MARCHF1: variants seen among roughly 807,000 people sequenced by gnomAD.
MARCHF1 encodes E3 ubiquitin-protein ligase MARCHF1.
Under a neutral mutation model 54.2 loss-of-function variants are expected in MARCHF1, and 40 were observed. The observed-to-expected ratio is 0.74, with a 90% confidence interval of 0.57 to 0.96. The LOEUF (loss-of-function observed/expected upper bound fraction) is 0.96, where lower values mean the gene tolerates loss of function less well. Among genes scored for constraint, MARCHF1 ranks in the 40% least tolerant of loss-of-function variants. The pLI is 0.00. For synonymous variants in MARCHF1, 236 were observed against 236.3 expected, an observed-to-expected ratio of 1.00 and a Z score of 0.01; for missense variants, 586 against 656.5, an observed-to-expected ratio of 0.89 and a Z score of 1.17.
chr4:164,197,209 T>C (rs1301695081), intron 1 of MARCHF1: 6 of 1,609,812 alleles, frequency 3.7e-6, no homozygotes, highest in Non-Finnish European at 5.1e-6. Flanking sequence ...ATGCTCACCC[T>C]CCTCCTCGTC....
At chr4:163,669,844 C>T (rs1743669802) in intron 5 of MARCHF1, among the ~76,000 whole-genome samples, 1 of 152,062 alleles carries the variant, frequency 6.6e-6, no homozygotes, top group African/African-American at 2.4e-5. Context: ...AGCATCTGCC[C>T]ACCTCGGCCT....
intron 1 of MARCHF1, among the ~76,000 whole-genome samples, chr4:164,259,702 G>A (rs1386389591): frequency 2.0e-5 from 3 of 152,128 alleles, no homozygotes; most frequent in Non-Finnish European, 2.9e-5. Context: ...TGACCCTTGA[G>A]GTAGGTATAT....
At chr4:163,708,371 C>T (rs1481523943) in intron 4 of MARCHF1, among the ~76,000 whole-genome samples, 3 of 152,000 alleles carry the variant, frequency 2.0e-5, no homozygotes, top group African/African-American at 4.8e-5. Flanking sequence ...AGTTAATGAT[C>T]TTTTACAGCC....
At chr4:163,672,693 A>G (rs756082162) in intron 5 of MARCHF1, among the ~76,000 whole-genome samples, 15 of 152,216 alleles carry the variant, frequency 9.9e-5, no homozygotes, top group Admixed American at 7.2e-4. Flanking sequence ...TACCACAAAC[A>G]TAGTGGCTTA....
At chr4:164,258,430 A>C (rs1435965988) in intron 1 of MARCHF1, among the ~76,000 whole-genome samples, 1 of 144,274 alleles carries the variant, frequency 6.9e-6, no homozygotes, top group Non-Finnish European at 1.5e-5. Context: ...AGGACAAAAC[A>C]ATAGAAAAAA....
intron 1 of MARCHF1, among the ~76,000 whole-genome samples, chr4:164,252,882 C>G (rs1444789064): frequency 6.6e-6 from 1 of 152,060 alleles, no homozygotes; most frequent in Admixed American, 6.6e-5. Context: ...TATTTCTTAG[C>G]AGTCCTAGAG....
rs557633022 is a variant in MARCHF1, at chr4:163,857,013, G to A, written c.-38-2844C>T. ...GGACAATAGAACAGGACTTTGTCTCGAAAAATAAATAAATAAATAAATAAA... is the reference window on the plus strand; with the variant it reads ...GGACAATAGAACAGGACTTTGTCTCAAAAAATAAATAAATAAATAAATAAA... On this transcript the variant is annotated intron_variant, in intron 3 of 9. Coordinates refer to ENST00000514618, the MANE Select transcript of MARCHF1 (RefSeq NM_001394959.1). Among the ~76,000 whole-genome samples, 371 of 72,736 alleles carry A rather than the reference G, an allele frequency of 5.1e-3. 3 individuals are homozygous for A. Among genetic ancestry groups the A allele is most frequent in the African/African-American group, 0.017 (351 of 20,220 alleles). The allele number at this position is 72,736 out of a possible 152,430, so 47.7% of individuals were successfully genotyped here.
At chr4:163,858,568 TA>T (rs1424245132) in intron 3 of MARCHF1, among the ~76,000 whole-genome samples, 1 of 152,230 alleles carries the variant, frequency 6.6e-6, no homozygotes, top group East Asian at 1.9e-4. Flanking sequence ...TTTATGTATT[TA>T]TTTAGCTAAT....
intron 2 of MARCHF1, among the ~76,000 whole-genome samples, chr4:164,052,308 G>A (rs996184987): frequency 6.6e-6 from 1 of 152,008 alleles, no homozygotes; most frequent in Non-Finnish European, 1.5e-5. Context: ...GAGGTGGGTG[G>A]ATCAATTGAG....
intron 1 of MARCHF1, among the ~76,000 whole-genome samples, chr4:164,255,188 C>G (rs1733243156): frequency 1.3e-5 from 2 of 152,022 alleles, no homozygotes; most frequent in South Asian, 4.1e-4. Context: ...ATGTTGCCAT[C>G]AGGGAAAGCT....
intron 8 of MARCHF1, among the ~76,000 whole-genome samples, chr4:163,546,055 A>T (rs1191717674): frequency 1.3e-5 from 2 of 149,036 alleles, no homozygotes; most frequent in Non-Finnish European, 3.0e-5. Flanking sequence ...GGTCACTGCA[A>T]CCGCTGCCTC....
At chr4:163,971,765 T>C (rs968809393) in intron 3 of MARCHF1, among the ~76,000 whole-genome samples, 3 of 152,200 alleles carry the variant, frequency 2.0e-5, no homozygotes, top group African/African-American at 2.4e-5. Flanking sequence ...TGGTAAGATA[T>C]ATTGGAGAGC....
At chr4:164,170,610 G>A (rs1379156303) in intron 1 of MARCHF1, among the ~76,000 whole-genome samples, 1 of 152,044 alleles carries the variant, frequency 6.6e-6, no homozygotes, top group Non-Finnish European at 1.5e-5. Flanking sequence ...CCAAGAGTCT[G>A]TTAGGGTTGC....
intron 2 of MARCHF1, among the ~76,000 whole-genome samples, chr4:164,100,097 T>C (rs903265285): frequency 2.6e-5 from 4 of 152,218 alleles, no homozygotes; most frequent in African/African-American, 9.6e-5. Context: ...TTTACACTTA[T>C]TCATTCAAAC....
intron 1 of MARCHF1, among the ~76,000 whole-genome samples, chr4:164,156,589 A>G (rs944780204): frequency 3.3e-5 from 5 of 151,974 alleles, no homozygotes; most frequent in African/African-American, 1.2e-4. Flanking sequence ...ACATCTGGCT[A>G]ATTTTTGTAT....
intron 3 of MARCHF1, among the ~76,000 whole-genome samples, chr4:163,957,310 C>G (rs879472231): frequency 6.6e-6 from 1 of 152,006 alleles, no homozygotes; most frequent in Non-Finnish European, 1.5e-5. Context: ...TTAACCTTAA[C>G]AGTAGTTCTA....
intron 4 of MARCHF1, among the ~76,000 whole-genome samples, chr4:163,823,977 C>A (rs1748771763): frequency 6.6e-6 from 1 of 151,652 alleles, no homozygotes; most frequent in Non-Finnish European, 1.5e-5. Context: ...TACAAATCCC[C>A]TATATATCAT....
intron 8 of MARCHF1, among the ~76,000 whole-genome samples, chr4:163,560,104 CTTTT>C (rs1428546957): frequency 6.6e-6 from 1 of 151,982 alleles, no homozygotes; most frequent in Admixed American, 6.5e-5. Context: ...TCAATTTGTT[CTTTT>C]GTTTCTTGCT....
intron 4 of MARCHF1, among the ~76,000 whole-genome samples, chr4:163,728,224 TATTA>T (rs1479588420): frequency 6.6e-6 from 1 of 152,188 alleles, no homozygotes; most frequent in African/African-American, 2.4e-5. Flanking sequence ...CCCCTTTTTT[TATTA>T]CTGTCTTGAT....
Sources: allele counts gnomAD v4.1 joint callset (sites outside exome capture counted in the v4.1 genomes callset), GRCh38; gene constraint gnomAD v4.1.1; transcripts MANE v1.5; gene names NCBI Gene and HGNC (gene_info 2026-07-23, HGNC 2026-07-21).